Variants in RORA observed in about 807,000 individuals in gnomAD.
RORA encodes the protein RAR related orphan receptor A.
A neutral mutation model predicts 69.5 loss-of-function variants in RORA; 7 were observed. The observed-to-expected ratio is 0.10, with a 90% CI of 0.06 to 0.19. The LOEUF (loss-of-function observed/expected upper bound fraction) is 0.19, where lower values mean the gene tolerates loss of function less well. RORA is among the 10% of genes least tolerant of loss of function. RORA has a pLI of 1.00. For missense variants in RORA, 457 were observed against 663.0 expected (o/e 0.69, Z 3.41); for synonymous variants, 261 against 240.8 (o/e 1.08, Z -0.78).
At chr15:60,622,469 G>C (rs1018269119) in intron 2 of RORA, among the ~76,000 whole-genome samples, 5 of 151,752 alleles carry the variant, frequency 3.3e-5, no homozygotes, top group African/African-American at 1.2e-4. Flanking sequence ...AAAATTAGCT[G>C]GGCATGGTGA....
chr15:60,829,391 G>A (rs1479244427), intron 1 of RORA, among the ~76,000 whole-genome samples: 1 of 152,154 alleles, frequency 6.6e-6, no homozygotes, highest in African/African-American at 2.4e-5. Flanking sequence ...GCCTTTTCAG[G>A]ACCTTTGAGG....
At chr15:61,157,983 G>GGA (rs1336209361) in intron 1 of RORA, among the ~76,000 whole-genome samples, 2 of 152,118 alleles carry the variant, frequency 1.3e-5, no homozygotes, top group Non-Finnish European at 2.9e-5. Context: ...CCCAGACCCT[G>GGA]GAGAGCATGG....
chr15:60,882,907 T>G (rs2073701218), intron 1 of RORA, among the ~76,000 whole-genome samples: 1 of 151,880 alleles, frequency 6.6e-6, no homozygotes, highest in African/African-American at 2.4e-5. Flanking sequence ...GAGAATCACC[T>G]GAGGGTATGG....
chr15:60,715,830 G>C (rs901301662), intron 1 of RORA, among the ~76,000 whole-genome samples: 3 of 152,106 alleles, frequency 2.0e-5, no homozygotes, highest in Non-Finnish European at 4.4e-5. Context: ...GGGAAGGAAA[G>C]ATCCATTTTC....
At chr15:60,646,714 T>G (rs907621712) in intron 2 of RORA, among the ~76,000 whole-genome samples, 3 of 152,220 alleles carry the variant, frequency 2.0e-5, no homozygotes, top group Non-Finnish European at 4.4e-5. Flanking sequence ...CATTTGTTTA[T>G]TTACTCCCTG....
chr15:60,941,904 G>GT (rs79898370), intron 1 of RORA, among the ~76,000 whole-genome samples: 98,654 of 152,036 alleles, frequency 0.65, 32,586 homozygotes, highest in South Asian at 0.78. Context: ...CCAAGAAATA[G>GT]TTTTTAAAAG....
At chr15:61,077,456 G>A (rs2078469778) in intron 1 of RORA, among the ~76,000 whole-genome samples, 2 of 152,018 alleles carry the variant, frequency 1.3e-5, no homozygotes, top group Non-Finnish European at 2.9e-5. Flanking sequence ...CTTCATTCTC[G>A]ACTATGGGTA....
chr15:60,746,306 T>A (rs968881652), intron 1 of RORA, among the ~76,000 whole-genome samples: 1 of 152,132 alleles, frequency 6.6e-6, no homozygotes, highest in African/African-American at 2.4e-5. Context: ...ATTTTTTTTT[T>A]AATTTAATGA....
intron 1 of RORA, among the ~76,000 whole-genome samples, chr15:61,087,180 A>G (rs933424540): frequency 3.9e-5 from 6 of 152,166 alleles, no homozygotes; most frequent in Non-Finnish European, 7.3e-5. Context: ...AAACAAAACA[A>G]AAAGTGAGCA....
At chr15:60,680,992 T>G (rs1194932499) in intron 1 of RORA, among the ~76,000 whole-genome samples, 2 of 152,216 alleles carry the variant, frequency 1.3e-5, no homozygotes, top group Non-Finnish European at 2.9e-5. Flanking sequence ...CTAGCCATTC[T>G]GAAGACAGAA....
chr15:60,521,707 T>G (rs1670516840), intron 3 of RORA, among the ~76,000 whole-genome samples: 1 of 152,236 alleles, frequency 6.6e-6, no homozygotes, highest in African/African-American at 2.4e-5. Flanking sequence ...GGACTCAATC[T>G]CTTGTCCTGA....
At chr15:61,085,071 A>C (rs1239708563) in intron 1 of RORA, among the ~76,000 whole-genome samples, 1 of 151,918 alleles carries the variant, frequency 6.6e-6, no homozygotes, top group African/African-American at 2.4e-5. Flanking sequence ...TCAGCCAAGG[A>C]TGCTCTAGGG....
intron 1 of RORA, among the ~76,000 whole-genome samples, chr15:60,991,171 G>A (rs535675602): frequency 1.3e-5 from 2 of 152,190 alleles, no homozygotes; most frequent in Non-Finnish European, 2.9e-5. Context: ...CTTCTTCTCA[G>A]AACCAGGTGG....
At chr15:60,980,775 T>A (rs4407013) in intron 1 of RORA, among the ~76,000 whole-genome samples, 25,898 of 151,984 alleles carry the variant, frequency 0.17, 2,393 homozygotes, top group South Asian at 0.23. Flanking sequence ...TTTCTCTTCA[T>A]CAGACTAGCT....
chr15:60,557,342 T>A (rs185180908), intron 2 of RORA, among the ~76,000 whole-genome samples: 85 of 152,322 alleles, frequency 5.6e-4, no homozygotes, highest in Admixed American at 1.9e-3. Context: ...TTTCTGGCAC[T>A]ACGAGAGGAT....
At chr15:60,977,260 C>T (rs4638514) in intron 1 of RORA, among the ~76,000 whole-genome samples, 64,053 of 151,744 alleles carry the variant, frequency 0.42, 13,861 homozygotes, top group African/African-American at 0.48. Flanking sequence ...AAATGCAATT[C>T]AGTGTTATAA....
chr15:61,042,979 G>A (rs1195749801), intron 1 of RORA, among the ~76,000 whole-genome samples: 1 of 152,194 alleles, frequency 6.6e-6, no homozygotes, highest in African/African-American at 2.4e-5. Flanking sequence ...CCTTCATCCT[G>A]CTCACATTGT....
chr15:60,714,284 C>T (rs1429590697), intron 1 of RORA, among the ~76,000 whole-genome samples: 1 of 152,058 alleles, frequency 6.6e-6, no homozygotes, highest in Non-Finnish European at 1.5e-5. Flanking sequence ...GTCTCCAACT[C>T]CTGACCCCAG....
chr15:60,737,136 T>C (rs2071512124), intron 1 of RORA, among the ~76,000 whole-genome samples: 1 of 151,970 alleles, frequency 6.6e-6, no homozygotes, highest in Non-Finnish European at 1.5e-5. Flanking sequence ...GGGATGCCAG[T>C]GGGTGGTTAG....
Sources: allele counts gnomAD v4.1 joint callset (sites outside exome capture counted in the v4.1 genomes callset), GRCh38; gene constraint gnomAD v4.1.1; transcripts MANE v1.5; gene names NCBI Gene and HGNC (gene_info 2026-07-23, HGNC 2026-07-21).